The following SLC37A3 variants were observed in gnomAD, a reference collection of about 807,000 sequenced individuals.
SLC37A3 encodes solute carrier family 37 member 3.
A neutral mutation model predicts 67.1 loss-of-function variants in SLC37A3; 51 were observed. The ratio of observed to expected loss-of-function variants is 0.76; its 90% confidence interval spans 0.61 to 0.96. SLC37A3 has a LOEUF of 0.96. SLC37A3 is among the 40% of genes least tolerant of loss of function. The pLI, the probability that SLC37A3 is intolerant of heterozygous loss-of-function variation, is 0.00. For missense variants in SLC37A3, 508 were observed against 603.0 expected (o/e 0.84, Z 1.65); for synonymous variants, 214 against 231.4 (o/e 0.92, Z 0.68).
chr7:140,365,469 C>T (rs1379329778), intron 4 of SLC37A3, among the ~76,000 whole-genome samples: 2 of 152,040 alleles, frequency 1.3e-5, no homozygotes, highest in Non-Finnish European at 2.9e-5. Context: ...ACCTGTAATC[C>T]CAGCACTTTG....
At chr7:140,359,664 T>C (rs760588672) in intron 5 of SLC37A3, among the ~76,000 whole-genome samples, 5 of 152,224 alleles carry the variant, frequency 3.3e-5, no homozygotes, top group East Asian at 3.9e-4. Context: ...GGACATTTTA[T>C]CTACAGTCAA....
Position 140,345,914 on chromosome 7 carries a change from C to CA in SLC37A3, c.1080dup (p.Ala361CysfsTer15). On this transcript the variant is annotated frameshift_variant, in exon 11 of 15. Transcript: ENST00000326232. LOFTEE classifies it high-confidence loss of function. ...CCAACTGCCAGAAGCAGACTCAGGG[C>CA]AAGAACCGGCGCTCTCTTCTGTAGT... is the stretch of plus-strand genomic sequence containing the variant. 1 of 1,614,050 alleles carries CA rather than the reference C, an allele frequency of 6.2e-7. No individual in the cohort carries two copies.
intron 12 of SLC37A3, 79 bp from the exon 13 acceptor site, chr7:140,343,642 G>T: frequency 1.4e-6 from 2 of 1,428,458 alleles, no homozygotes; most frequent in South Asian, 1.2e-5. Flanking sequence ...AATAATATCC[G>T]AATAGTTTTC....
intron 3 of SLC37A3, among the ~76,000 whole-genome samples, chr7:140,373,953 G>T (rs1294435863): frequency 6.6e-6 from 1 of 152,096 alleles, no homozygotes; most frequent in East Asian, 1.9e-4. Flanking sequence ...TTTTTCAGAA[G>T]ATGTTATTTA....
rs576605345 is a variant in SLC37A3 at position 140,394,182 on chromosome 7, T to G, written c.-71+4234A>C. ...TGAGACCCCATATCAAAAAAAAAAG[T>G]TTTTTTTTGAATCAATGAATTGGTT... On this transcript the variant is annotated intron_variant, in intron 1 of 14. Coordinates refer to ENST00000326232, the MANE Select transcript of SLC37A3 (RefSeq NM_207113.3). Among the ~76,000 whole-genome samples, 236 of 150,374 alleles carry G rather than the reference T, an allele frequency of 1.6e-3. 1 individual carries two copies. The highest frequency in any genetic ancestry group is 2.7e-3 in the Non-Finnish European group (184 of 67,460).
At chr7:140,392,481 C>T (rs996342909) in intron 1 of SLC37A3, among the ~76,000 whole-genome samples, 3 of 152,186 alleles carry the variant, frequency 2.0e-5, no homozygotes, top group Non-Finnish European at 4.4e-5. Context: ...CCACCCTCTT[C>T]TCTCCATCCT....
In SLC37A3 at chr7:140,345,346, A is replaced by G. The variant is rs149104668; in HGVS notation, c.1127-83T>C. ...CTGCCAACCGTACGCGAAGATCTGA[A>G]TCTCCGTGACCTCACAAATCACTCC... On this transcript the variant is annotated intron_variant, in intron 11 of 14. Coordinates refer to ENST00000326232, the MANE Select transcript of SLC37A3 (RefSeq NM_207113.3). 9.8e-6 allele frequency: 10 copies of G among 1,022,870 alleles called. No individual in the cohort carries two copies. The African/African-American group carries it at 1.6e-4, about 16-fold the overall frequency. The allele number at this position is 1,022,870 out of a possible 1,614,324, so 63.4% of individuals were successfully genotyped here.
intron 6 of SLC37A3, 142 bp downstream of exon 6, chr7:140,358,498 T>G: frequency 8.6e-7 from 1 of 1,160,752 alleles, no homozygotes; most frequent in Non-Finnish European, 1.2e-6. Context: ...CGTGAAACCC[T>G]CTCTCCCTGA....
chr7:140,380,898 T>TTCTTC (rs1491560908), intron 2 of SLC37A3, among the ~76,000 whole-genome samples: 3 of 12,386 alleles, frequency 2.4e-4, no homozygotes, highest in Non-Finnish European at 3.3e-4. Context: ...CTTCTTCTTC[T>TTCTTC]TTTTTTTTTT....
At chr7:140,337,185 A>T in intron 14 of SLC37A3, 99 bp downstream of exon 14, 1 of 801,068 alleles carries the variant, frequency 1.2e-6, no homozygotes, top group Non-Finnish European at 1.9e-6. Flanking sequence ...AGGAGCCTTT[A>T]AAAGCAATCA....
chr7:140,352,314 G>A, intron 7 of SLC37A3, 168 bp from the exon 8 acceptor site: 2 of 615,416 alleles, frequency 3.2e-6, no homozygotes, highest in Non-Finnish European at 2.9e-6. Flanking sequence ...CATGCAAAGT[G>A]TTCTACTCGT....
rs375159446 is a variant in SLC37A3 at position 140,358,641 on chromosome 7, C to T, written c.520G>A (p.Gly174Arg). ...AVMGNWFGKA[G>R]RGVVFGLWSA... is the part of the protein sequence containing the mutation. ...TTAGAGAGGAAGGAAGTGGCATACC[C>T]GGCTTTCCCAAACCAGTTGCCCATA... Residue 174 changes from glycine (G) to arginine (R), a missense_variant and splice_region_variant, in exon 6 of 15, where the codon GGA becomes AGA. Physicochemically the swap from Gly to Arg is moderately radical, Grantham distance 125. Coordinates refer to ENST00000326232, the MANE Select transcript of SLC37A3 (RefSeq NM_207113.3). 1.7e-5 allele frequency: 27 copies of T among 1,613,954 alleles called. No individual in the cohort carries two copies. Among genetic ancestry groups the T allele is most frequent in the African/African-American group, 4.0e-5 (3 of 74,916 alleles).
chr7:140,352,292 T>C (rs958638292), intron 7 of SLC37A3, 146 bp from the exon 8 acceptor site: 8 of 672,474 alleles, frequency 1.2e-5, no homozygotes, highest in Non-Finnish European at 2.0e-5. Flanking sequence ...GAGCTTCTAC[T>C]GGGCCGGGCG....
At chr7:140,355,578 TG>T in intron 7 of SLC37A3, 89 bp downstream of exon 7, 1 of 1,158,340 alleles carries the variant, frequency 8.6e-7, no homozygotes, top group Non-Finnish European at 1.3e-6. Context: ...TAGTTTTAAA[TG>T]GCCACAGTAT....
chr7:140,394,293 A>G (rs538251188), intron 1 of SLC37A3, among the ~76,000 whole-genome samples: 2 of 152,236 alleles, frequency 1.3e-5, no homozygotes, highest in Admixed American at 6.5e-5. Context: ...AGTTCTCTCA[A>G]TGTTTTACAG....
rs1316755302 is a variant in SLC37A3, at chr7:140,359,118, C to T, written c.376-333G>A. Among the ~76,000 whole-genome samples the T allele has an allele frequency of 2.5e-3, 383 of 151,638 alleles. 4 individuals are homozygous for T. The highest frequency in any genetic ancestry group is 8.5e-3 in the African/African-American group (349 of 40,982). On this transcript the variant is annotated intron_variant, in intron 5 of 14. Coordinates refer to ENST00000326232, the MANE Select transcript of SLC37A3 (RefSeq NM_207113.3). Reference sequence around the variant, plus strand: ...CAGCACTTTGGGAGGCCGAGGAGGGCAGATCACAAGGTCAGGAAATCGAGA... The same window carrying T: ...CAGCACTTTGGGAGGCCGAGGAGGGTAGATCACAAGGTCAGGAAATCGAGA...
chr7:140,383,389 T>G (rs1798331792), intron 1 of SLC37A3, among the ~76,000 whole-genome samples: 1 of 152,080 alleles, frequency 6.6e-6, no homozygotes, highest in Admixed American at 6.6e-5. Context: ...GAAGATCCCT[T>G]GAGTCCAGGA....
chr7:140,377,760 G>A (rs190770783), intron 3 of SLC37A3, among the ~76,000 whole-genome samples: 1 of 152,036 alleles, frequency 6.6e-6, no homozygotes, highest in Non-Finnish European at 1.5e-5. Flanking sequence ...GCTGGCCATG[G>A]TGGCATACAC....
chr7:140,387,743 T>TTATATATAATATATATTATATATTA (rs1554435265), intron 1 of SLC37A3, among the ~76,000 whole-genome samples: 1 of 21,294 alleles, frequency 4.7e-5, no homozygotes, highest in Admixed American at 8.8e-4. Context: ...ATACTATATA[T>TTATATATAATATATATTATATATTA]TATATAAATA....
Sources: gnomAD v4.1 joint callset for allele counts (sites outside exome capture counted in the v4.1 genomes callset) on GRCh38, gnomAD v4.1.1 for gene constraint, MANE v1.5 for transcripts, NCBI Gene and HGNC (gene_info 2026-07-23, HGNC 2026-07-21) for gene names.